Variants in NALF1 observed in about 807,000 individuals in gnomAD.
The protein encoded by NALF1 is NALCN channel auxiliary factor 1.
A neutral mutation model predicts 48.4 loss-of-function variants in NALF1; 3 were observed. The observed-to-expected ratio is 0.06, with a 90% CI of 0.03 to 0.16. The LOEUF (loss-of-function observed/expected upper bound fraction) is 0.16. Among genes scored for constraint, NALF1 ranks in the 10% least tolerant of loss-of-function variants. NALF1 has a pLI of 1.00. For synonymous variants in NALF1, 262 were observed against 245.7 expected (o/e 1.07, Z -0.62); for missense variants, 526 against 571.5 (o/e 0.92, Z 0.81).
chr13:107,226,674 T>A (rs1247657762), intron 1 of NALF1, among the ~76,000 whole-genome samples: 2 of 152,150 alleles, frequency 1.3e-5, no homozygotes, highest in African/African-American at 4.8e-5. Context: ...TGATTTCAAA[T>A]CTCACCAATG....
chr13:107,554,497 G>A (rs1462783277), intron 1 of NALF1, among the ~76,000 whole-genome samples: 1 of 152,132 alleles, frequency 6.6e-6, no homozygotes, highest in Non-Finnish European at 1.5e-5. Flanking sequence ...GCCAGGCAGT[G>A]CAACCAGTCC....
At chr13:107,214,069 G>T (rs1879823404) in intron 1 of NALF1, among the ~76,000 whole-genome samples, 1 of 152,136 alleles carries the variant, frequency 6.6e-6, no homozygotes, top group Non-Finnish European at 1.5e-5. Context: ...CAAATGTGCC[G>T]AGTTCTCTAG....
chr13:107,386,602 G>GCC (rs1883535138), intron 1 of NALF1, among the ~76,000 whole-genome samples: 4 of 152,180 alleles, frequency 2.6e-5, no homozygotes, highest in Admixed American at 1.3e-4. Context: ...CTAACTGTGT[G>GCC]ATCCTTGACA....
chr13:107,442,353 G>A (rs947658662), intron 1 of NALF1, among the ~76,000 whole-genome samples: 1 of 152,182 alleles, frequency 6.6e-6, no homozygotes, highest in Non-Finnish European at 1.5e-5. Context: ...CATAAATTAT[G>A]TTTTGCATAA....
chr13:107,497,113 T>G (rs1365612637), intron 1 of NALF1, among the ~76,000 whole-genome samples: 2 of 152,194 alleles, frequency 1.3e-5, no homozygotes, highest in African/African-American at 2.4e-5. Flanking sequence ...ATTCTTAGAT[T>G]TATCAATATT....
intron 1 of NALF1, among the ~76,000 whole-genome samples, chr13:107,457,397 T>C (rs1434711614): frequency 6.6e-6 from 1 of 152,164 alleles, no homozygotes; most frequent in Non-Finnish European, 1.5e-5. Flanking sequence ...AATATTGGCC[T>C]CAATCCAATT....
intron 2 of NALF1, among the ~76,000 whole-genome samples, chr13:107,171,524 C>T (rs1878804554): frequency 6.6e-6 from 1 of 152,192 alleles, no homozygotes; most frequent in Non-Finnish European, 1.5e-5. Flanking sequence ...CTCCGCTTCT[C>T]TTGTTCTCTC....
At position 107,776,398 on chromosome 13, in the gene NALF1, C is replaced by T. The variant is rs76159614; in HGVS notation, c.915+89284G>A. Among the ~76,000 whole-genome samples, 615 of 152,254 alleles carry T rather than the reference C, an allele frequency of 4.0e-3. 2 individuals are homozygous for T. The highest frequency in any genetic ancestry group is 0.014 in the African/African-American group (593 of 41,552). On this transcript the variant is annotated intron_variant, in intron 1 of 2. Transcript: ENST00000375915. ...AGTGAGAAGTAAAGGAAAAATTGTA[C>T]ACAAGCTGTTTCTGGCATATGGGAA...
rs1008863801 is a variant in NALF1 at position 107,407,124 on chromosome 13, G to C, written c.916-196369C>G. Among the ~76,000 whole-genome samples the C allele has an allele frequency of 5.3e-5, 8 of 152,106 alleles. No homozygotes were observed. The East Asian group carries it at 7.7e-4, about 15-fold the overall frequency. ...CCATATAAAAAATCATATAAAAATGGATTAAAGACTTAAATCTAAGACCTC... is the reference window on the plus strand; with the variant it reads ...CCATATAAAAAATCATATAAAAATGCATTAAAGACTTAAATCTAAGACCTC... On this transcript the variant is annotated intron_variant, in intron 1 of 2. Coordinates refer to ENST00000375915, the MANE Select transcript of NALF1 (RefSeq NM_001080396.3).
rs567276077 is a variant in NALF1 at position 107,231,941 on chromosome 13, A to G, written c.916-21186T>C. 2.6e-5 allele frequency among the ~76,000 whole-genome samples: 4 copies of G among 152,294 alleles called. No individual in the cohort carries two copies. The South Asian group carries it at 8.3e-4, about 32-fold the overall frequency. ...AGTCCAGCATTTTTAAGCACTTCTA[A>G]TCTATTTCTTTTTATTTTCTAAAAA... On this transcript the variant is annotated intron_variant, in intron 1 of 2. Coordinates refer to ENST00000375915, the MANE Select transcript of NALF1 (RefSeq NM_001080396.3).
At chr13:107,531,796 CT>C (rs1403204897) in intron 1 of NALF1, among the ~76,000 whole-genome samples, 1 of 151,738 alleles carries the variant, frequency 6.6e-6, no homozygotes, top group Non-Finnish European at 1.5e-5. Context: ...TCATTTGCAT[CT>C]TTTTTATGAT....
chr13:107,482,351 C>G (rs1280228297), intron 1 of NALF1, among the ~76,000 whole-genome samples: 1 of 152,078 alleles, frequency 6.6e-6, no homozygotes, highest in Non-Finnish European at 1.5e-5. Context: ...TGTCCATGCA[C>G]ACACACACGT....
intron 1 of NALF1, among the ~76,000 whole-genome samples, chr13:107,469,646 G>GT (rs540069391): frequency 2.1e-5 from 3 of 146,254 alleles, no homozygotes; most frequent in African/African-American, 5.0e-5. Context: ...GTATGTTTAA[G>GT]TTTTTTTTAT....
At chr13:107,616,059 A>G (rs1879370075) in intron 1 of NALF1, among the ~76,000 whole-genome samples, 1 of 152,206 alleles carries the variant, frequency 6.6e-6, no homozygotes, top group African/African-American at 2.4e-5. Flanking sequence ...TTTGCAATAA[A>G]TGACACCACC....
intron 1 of NALF1, among the ~76,000 whole-genome samples, chr13:107,525,147 G>T (rs886682072): frequency 2.0e-5 from 3 of 151,990 alleles, no homozygotes; most frequent in East Asian, 3.9e-4. Flanking sequence ...CAGTAAATTT[G>T]ACTTTCTTAG....
intron 1 of NALF1, among the ~76,000 whole-genome samples, chr13:107,605,823 T>C (rs761055274): frequency 1.3e-5 from 2 of 152,198 alleles, no homozygotes; most frequent in African/African-American, 4.8e-5. Flanking sequence ...AAGAAAACAT[T>C]TGTTGAAACA....
intron 1 of NALF1, among the ~76,000 whole-genome samples, chr13:107,735,787 CA>C (rs753125649): frequency 3.9e-5 from 6 of 152,124 alleles, no homozygotes; most frequent in Non-Finnish European, 8.8e-5. Context: ...CTTTACCCAC[CA>C]ACTCTTCTTG....
At chr13:107,532,957 T>G (rs1195722613) in intron 1 of NALF1, among the ~76,000 whole-genome samples, 1 of 151,978 alleles carries the variant, frequency 6.6e-6, no homozygotes, top group Non-Finnish European at 1.5e-5. Flanking sequence ...ACAGTAGCCA[T>G]TAACATATTA....
intron 1 of NALF1, among the ~76,000 whole-genome samples, chr13:107,818,036 A>G (rs889023942): frequency 6.6e-6 from 1 of 152,198 alleles, no homozygotes; most frequent in Admixed American, 6.5e-5. Flanking sequence ...TAAAAGGTAT[A>G]TCCCTATCCT....
Sources: allele counts gnomAD v4.1 joint callset (sites outside exome capture counted in the v4.1 genomes callset), GRCh38; gene constraint gnomAD v4.1.1; transcripts MANE v1.5; gene names NCBI Gene and HGNC (gene_info 2026-07-23, HGNC 2026-07-21).